The following OIT3 variants were observed in gnomAD, a reference collection of about 807,000 sequenced individuals.
OIT3 encodes oncoprotein induced transcript 3, also known as oncoprotein-induced transcript 3 protein.
In OIT3, 41 loss-of-function variants were observed where a neutral mutation model predicts 52.2. That is an observed-to-expected ratio of 0.79 (90% CI 0.61 to 1.02). The LOEUF (loss-of-function observed/expected upper bound fraction) is 1.02, where lower values mean the gene tolerates loss of function less well. Among genes scored for constraint, OIT3 ranks in the 50% least tolerant of loss-of-function variants. The pLI, the probability that OIT3 is intolerant of heterozygous loss-of-function variation, is 0.00. For synonymous variants in OIT3, 244 were observed against 276.9 expected (o/e 0.88, Z 1.18); for missense variants, 634 against 715.5 (o/e 0.89, Z 1.30).
chr10:72,913,096 T>G (rs1432570431), intron 5 of OIT3, among the ~76,000 whole-genome samples: 1 of 152,216 alleles, frequency 6.6e-6, no homozygotes, highest in Non-Finnish European at 1.5e-5. Context: ...TATTTCCTAA[T>G]TCAGGGAACC....
chr10:72,912,272 CTTTT>C (rs749814581), intron 5 of OIT3, among the ~76,000 whole-genome samples: 1 of 125,830 alleles, frequency 7.9e-6, no homozygotes. Flanking sequence ...TCTTTTTTTT[CTTTT>C]TTTTTTTTTT....
chr10:72,900,016 G>C (rs1029635448), intron 2 of OIT3, among the ~76,000 whole-genome samples: 27 of 152,170 alleles, frequency 1.8e-4, no homozygotes, highest in African/African-American at 6.5e-4. Context: ...AGGGCCTGTG[G>C]ATCTGAAGTT....
intron 3 of OIT3, among the ~76,000 whole-genome samples, chr10:72,905,618 A>C (rs1415809037): frequency 6.6e-6 from 1 of 152,160 alleles, no homozygotes. Context: ...ATTTTCCATC[A>C]ATTTCTCAGC....
rs1401642437 is a variant in OIT3, at chr10:72,913,291, G to A, written c.791-17G>A. ...TTCAGGTTTCCTGGCTCTAACAGTG[G>A]CCCTTTTTCTCTGCAGTCCCTGTGT... On this transcript the variant is annotated splice_polypyrimidine_tract_variant and intron_variant, in intron 5 of 8. Transcript: ENST00000334011. 15 of 1,556,860 alleles carry A rather than the reference G, an allele frequency of 9.6e-6. No homozygotes were observed. Among genetic ancestry groups the A allele is most frequent in the African/African-American group, 2.7e-5 (2 of 73,732 alleles).
intron 8 of OIT3, 100 bp from the exon 9 acceptor site, chr10:72,932,254 C>T: frequency 9.5e-7 from 1 of 1,055,170 alleles, no homozygotes; most frequent in Non-Finnish European, 1.4e-6. Context: ...GTTAAGATTA[C>T]ATGACTTAAT....
At chr10:72,924,130 T>G in intron 6 of OIT3, 99 bp from the exon 7 acceptor site, 1 of 1,066,358 alleles carries the variant, frequency 9.4e-7, no homozygotes, top group Non-Finnish European at 1.4e-6. Context: ...CTCTAATGTG[T>G]TTTGAGGTAG....
In OIT3 at chr10:72,894,684, C is replaced by G. The variant is rs140149015; in HGVS notation, c.61+825C>G. On this transcript the variant is annotated intron_variant, in intron 1 of 8. Transcript: ENST00000334011. The stretch of plus-strand genomic sequence containing the variant: ...CCTGAGGTCAGGAGTTCAAGACCAG[C>G]CTGGCCAACATGGTGAAACTCCGTC... 6.5e-3 allele frequency among the ~76,000 whole-genome samples: 994 copies of G among 152,174 alleles called. 17 individuals are homozygous for G. Among genetic ancestry groups the G allele is most frequent in the African/African-American group, 0.023 (939 of 41,518 alleles).
chr10:72,918,278 C>G (rs1334349857), intron 6 of OIT3: 1 of 785,522 alleles, frequency 1.3e-6, no homozygotes, highest in Non-Finnish European at 2.3e-6. Flanking sequence ...CAAGAGAAAC[C>G]GTTGGCTATA....
intron 6 of OIT3, among the ~76,000 whole-genome samples, chr10:72,921,338 A>C (rs534319797): frequency 6.6e-6 from 1 of 152,326 alleles, no homozygotes; most frequent in East Asian, 1.9e-4. Flanking sequence ...GGATCTCTTG[A>C]AGACAGCATA....
intron 4 of OIT3, among the ~76,000 whole-genome samples, chr10:72,910,019 C>A (rs994565034): frequency 6.6e-6 from 1 of 152,146 alleles, no homozygotes; most frequent in African/African-American, 2.4e-5. Flanking sequence ...GACCCACAAT[C>A]CATTTGCCAG....
At chr10:72,903,512 G>A (rs1469729448) in intron 3 of OIT3, among the ~76,000 whole-genome samples, 4 of 152,184 alleles carry the variant, frequency 2.6e-5, no homozygotes, top group Non-Finnish European at 5.9e-5. Flanking sequence ...ACAGGCGTGA[G>A]CCACCATGCC....
Position 72,932,409 on chromosome 10 carries a change from G to C in OIT3, c.1523G>C (p.Arg508Pro). The C allele has an allele frequency of 2.5e-6, 4 of 1,614,168 alleles. No individual in the cohort carries two copies. The highest frequency in any genetic ancestry group is 2.5e-6 in the Non-Finnish European group (3 of 1,179,990). The change falls in exon 9 of 9, where the codon CGC becomes CCC. Residue 508 changes from arginine (R) to proline (P), a missense_variant. Transcript: ENST00000334011. ...TGTGGAGTGTTGGACGAGCGTTCCC[G>C]CTGTGCCCAGGGTTGCCACCGGCGA... is the stretch of plus-strand genomic sequence containing the variant. ...LVCGVLDERSRCAQGCHRRMR... is the reference protein window; with the variant it reads ...LVCGVLDERSPCAQGCHRRMR...
chr10:72,909,117 CT>C (rs35778299), intron 4 of OIT3, among the ~76,000 whole-genome samples: 4,604 of 111,724 alleles, frequency 0.041, 198 homozygotes, highest in African/African-American at 0.14. Flanking sequence ...TTCCCAGTGT[CT>C]TTTTTTTTTT....
intron 6 of OIT3, among the ~76,000 whole-genome samples, chr10:72,923,962 C>T (rs1846143804): frequency 6.6e-6 from 1 of 152,098 alleles, no homozygotes; most frequent in South Asian, 2.1e-4. Flanking sequence ...TGGGAGGTCC[C>T]CCTCAGAGAT....
At chr10:72,917,019 GT>G (rs899337181) in intron 6 of OIT3, among the ~76,000 whole-genome samples, 12 of 151,828 alleles carry the variant, frequency 7.9e-5, no homozygotes, top group South Asian at 2.1e-4. Context: ...ACGTTTTAAT[GT>G]TTTTTTCTTA....
chr10:72,921,735 T>TGATCTCA (rs1173916654), intron 6 of OIT3, among the ~76,000 whole-genome samples: 1 of 151,470 alleles, frequency 6.6e-6, no homozygotes, highest in African/African-American at 2.4e-5. Flanking sequence ...TGCAGTGGCA[T>TGATCTCA]GATCTCAGCA....
chr10:72,916,593 TTC>T (rs1846075109), intron 6 of OIT3, among the ~76,000 whole-genome samples: 1 of 152,234 alleles, frequency 6.6e-6, no homozygotes, highest in African/African-American at 2.4e-5. Context: ...TTTAGGTTGA[TTC>T]CATGTCTTTG....
At chr10:72,921,860 C>T (rs535918031) in intron 6 of OIT3, among the ~76,000 whole-genome samples, 1 of 151,498 alleles carries the variant, frequency 6.6e-6, no homozygotes, top group African/African-American at 2.4e-5. Context: ...TTAGTAGAGA[C>T]GGGGTTTCAT....
chr10:72,918,060 G>T, intron 6 of OIT3: 1 of 940,894 alleles, frequency 1.1e-6, no homozygotes, highest in Non-Finnish European at 1.7e-6. Flanking sequence ...TTCCTCAGCA[G>T]CAAGTTTTAC....
Sources: gnomAD v4.1 joint callset for allele counts (sites outside exome capture counted in the v4.1 genomes callset) on GRCh38, gnomAD v4.1.1 for gene constraint, MANE v1.5 for transcripts, NCBI Gene and HGNC (gene_info 2026-07-23, HGNC 2026-07-21) for gene names.